Variants in SLC15A1 observed in about 807,000 individuals in gnomAD.
SLC15A1 encodes solute carrier family 15 member 1.
Under a neutral mutation model 92.9 loss-of-function variants are expected in SLC15A1, and 83 were observed. The ratio of observed to expected loss-of-function variants is 0.89; its 90% CI spans 0.75 to 1.07. The LOEUF (loss-of-function observed/expected upper bound fraction) is 1.07. SLC15A1 is among the 50% of genes least tolerant of loss of function. The pLI is 0.00. For synonymous variants in SLC15A1, 322 were observed against 318.2 expected (o/e 1.01, Z -0.13); for missense variants, 857 against 880.1 (o/e 0.97, Z 0.33).
At chr13:98,703,613 T>C (rs1380276951) in intron 17 of SLC15A1, among the ~76,000 whole-genome samples, 2 of 132,584 alleles carry the variant, frequency 1.5e-5, no homozygotes, top group African/African-American at 3.0e-5. Context: ...CTGGAGCACA[T>C]TGGCATGAAC....
chr13:98,726,378 A>G lies in SLC15A1; in HGVS notation c.93T>C (p.Tyr31=), dbSNP rs771094709. Reference sequence around the variant, plus strand: ...GGCCAATACAGTTACCTCGCATTCCATAGTAGGAAAATCTTTCGCAAAACT... The same window carrying G: ...GGCCAATACAGTTACCTCGCATTCCGTAGTAGGAAAATCTTTCGCAAAACT... ...VNEFCERFSY[Y]GMRAILILYF... Residue 31 remains tyrosine, a synonymous_variant, in exon 3 of 23, where the codon TAT becomes TAC. Transcript: ENST00000376503. 1.2e-6 allele frequency: 2 copies of G among 1,614,054 alleles called. No homozygotes were observed. The highest frequency in any genetic ancestry group is 2.7e-5 in the African/African-American group (2 of 74,912).
intron 1 of SLC15A1, among the ~76,000 whole-genome samples, chr13:98,736,877 A>G (rs565684236): frequency 0.043 from 6,558 of 151,988 alleles, 470 homozygotes; most frequent in African/African-American, 0.15. Flanking sequence ...AAATAGGAAC[A>G]CTTTTACACT....
At chr13:98,689,229 T>C (rs897348380) in intron 18 of SLC15A1, among the ~76,000 whole-genome samples, 3 of 152,120 alleles carry the variant, frequency 2.0e-5, no homozygotes, top group Non-Finnish European at 4.4e-5. Flanking sequence ...TGGGAGCCAC[T>C]GCGCCTGGCC....
At chr13:98,713,987 A>G (rs563156849) in intron 9 of SLC15A1, among the ~76,000 whole-genome samples, 35 of 148,348 alleles carry the variant, frequency 2.4e-4, no homozygotes, top group South Asian at 1.3e-3. Context: ...TGGGAGACGG[A>G]GGTTGCAGTG....
chr13:98,715,968 G>A lies in SLC15A1; in HGVS notation c.641-8C>T, dbSNP rs200259029. The stretch of plus-strand genomic sequence containing the variant: ...TGCCAAGGACAAACACAACTAGATA[G>A]GGCAGAAGAAGACATGTCAGCAAAG... On this transcript the variant is annotated splice_region_variant and splice_polypyrimidine_tract_variant and intron_variant, in intron 8 of 22. Coordinates refer to ENST00000376503, the MANE Select transcript of SLC15A1 (RefSeq NM_005073.4). The A allele has an allele frequency of 3.2e-5, 52 of 1,613,354 alleles. No homozygotes were observed. The East Asian group carries it at 5.8e-4, about 18-fold the overall frequency.
intron 1 of SLC15A1, among the ~76,000 whole-genome samples, chr13:98,728,859 T>C (rs899044049): frequency 4.6e-5 from 7 of 151,132 alleles, no homozygotes; most frequent in African/African-American, 1.7e-4. Context: ...CACACGCCTG[T>C]AATCCCAGTT....
At chr13:98,729,810 T>TAAA (rs2088332522) in intron 1 of SLC15A1, among the ~76,000 whole-genome samples, 2 of 152,176 alleles carry the variant, frequency 1.3e-5, no homozygotes, top group Non-Finnish European at 2.9e-5. Flanking sequence ...CACCACCTCT[T>TAAA]CCTGGGCAGG....
chr13:98,709,594 C>T lies in SLC15A1; in HGVS notation c.1045G>A (p.Ala349Thr). 1 of 1,614,132 alleles carries T rather than the reference C, an allele frequency of 6.2e-7. No homozygotes were observed. Among genetic ancestry groups the T allele is most frequent in the Non-Finnish European group, 8.5e-7 (1 of 1,180,030 alleles). ...IFDAVLYPLI[A>T]KCGFNFTSLK... ...TACGTGAAATTGAAGCCACATTTTG[C>T]AATGAGAGGGTACAGCACAGCATCG... The change falls in exon 14 of 23, where the codon GCA becomes ACA. Residue 349 changes from alanine to threonine, a missense_variant. Physicochemically the swap from Ala to Thr is moderately conservative, Grantham distance 58. Coordinates refer to ENST00000376503, the MANE Select transcript of SLC15A1 (RefSeq NM_005073.4).
chr13:98,717,088 A>G (rs553829378), intron 8 of SLC15A1, among the ~76,000 whole-genome samples: 34 of 152,326 alleles, frequency 2.2e-4, no homozygotes, highest in African/African-American at 8.2e-4. Flanking sequence ...CATAGTCCAT[A>G]TACTAGGATT....
chr13:98,710,005 G>A, intron 11 of SLC15A1, 94 bp from the exon 12 acceptor site: 3 of 1,149,588 alleles, frequency 2.6e-6, no homozygotes, highest in Admixed American at 1.8e-5. Context: ...CAGGAATGAG[G>A]TCTGACATGT....
At chr13:98,735,937 A>T (rs543487416) in intron 1 of SLC15A1, among the ~76,000 whole-genome samples, 2 of 152,354 alleles carry the variant, frequency 1.3e-5, no homozygotes, top group East Asian at 3.9e-4. Flanking sequence ...TATAGATTCA[A>T]TGCCATCCCC....
chr13:98,713,183 A>G (rs965041773), intron 9 of SLC15A1, among the ~76,000 whole-genome samples: 5 of 152,044 alleles, frequency 3.3e-5, no homozygotes, highest in African/African-American at 1.2e-4. Flanking sequence ...CGGCCTCCCA[A>G]GTAGCTGGGA....
intron 18 of SLC15A1, among the ~76,000 whole-genome samples, chr13:98,689,683 C>T (rs2087959656): frequency 6.6e-6 from 1 of 152,118 alleles, no homozygotes; most frequent in African/African-American, 2.4e-5. Context: ...CTCCTGGCCT[C>T]AAGAGATCCT....
At chr13:98,710,255 C>T (rs941625696) in intron 11 of SLC15A1, among the ~76,000 whole-genome samples, 8 of 152,184 alleles carry the variant, frequency 5.3e-5, no homozygotes, top group East Asian at 1.9e-4. Flanking sequence ...AGTAGCTGTG[C>T]GTGTTGCAGA....
Position 98,721,618 on chromosome 13 carries a change from G to T in SLC15A1, c.466-33C>A, listed in dbSNP as rs747254984. ...GAAAAGGAGAAAGTAAGATGACTTTGGCTATCAATCCACTGAGCACAGGGA... is the reference window on the plus strand; with the variant it reads ...GAAAAGGAGAAAGTAAGATGACTTTTGCTATCAATCCACTGAGCACAGGGA... On this transcript the variant is annotated intron_variant, in intron 6 of 22. Transcript: ENST00000376503. 1.6e-5 allele frequency: 24 copies of T among 1,493,512 alleles called. No individual in the cohort carries two copies. In the South Asian group the frequency reaches 2.4e-4, roughly 15 times the overall value. The allele number at this position is 1,493,512 out of a possible 1,614,324, so 92.5% of individuals were successfully genotyped here.
At chr13:98,710,256 G>A (rs1408492520) in intron 11 of SLC15A1, among the ~76,000 whole-genome samples, 2 of 152,140 alleles carry the variant, frequency 1.3e-5, no homozygotes, top group African/African-American at 2.4e-5. Context: ...GTAGCTGTGC[G>A]TGTTGCAGAT....
intron 1 of SLC15A1, among the ~76,000 whole-genome samples, chr13:98,745,826 T>C (rs1036970079): frequency 6.8e-6 from 1 of 147,794 alleles, no homozygotes; most frequent in African/African-American, 2.5e-5. Flanking sequence ...CATGTGAGTT[T>C]AGGTGTCTTG....
chr13:98,714,001 C>T (rs1455980856), intron 9 of SLC15A1, among the ~76,000 whole-genome samples: 6 of 148,274 alleles, frequency 4.0e-5, no homozygotes, highest in South Asian at 4.3e-4. Flanking sequence ...TGCAGTGAGC[C>T]GAGATCGTGC....
At chr13:98,688,618 A>C in intron 18 of SLC15A1, 41 bp from the exon 19 acceptor site, 1 of 1,443,742 alleles carries the variant, frequency 6.9e-7, no homozygotes, top group Non-Finnish European at 9.7e-7. Context: ...GAACTAGAGA[A>C]TAATATATTC....
Sources: allele counts gnomAD v4.1 joint callset (sites outside exome capture counted in the v4.1 genomes callset), GRCh38; gene constraint gnomAD v4.1.1; transcripts MANE v1.5; gene names NCBI Gene and HGNC (gene_info 2026-07-23, HGNC 2026-07-21).